Variants in GRM7 observed in about 807,000 individuals in gnomAD.
GRM7 encodes glutamate metabotropic receptor 7, also known as metabotropic glutamate receptor 7.
GRM7 carries 35 observed loss-of-function variants against 84.5 expected under a neutral mutation model. The ratio of observed to expected loss-of-function variants is 0.41; its 90% CI spans 0.32 to 0.55. The LOEUF (loss-of-function observed/expected upper bound fraction) is 0.55, where lower values mean the gene tolerates loss of function less well. Among genes scored for constraint, GRM7 ranks in the 20% least tolerant of loss-of-function variants. The pLI is 0.19. For missense variants in GRM7, 1,003 were observed against 1,194.6 expected, an observed-to-expected ratio of 0.84 and a Z score of 2.36; for synonymous variants, 487 against 455.1, an observed-to-expected ratio of 1.07 and a Z score of -0.89.
At chr3:7,068,603 T>C (rs1195524740) in intron 1 of GRM7, among the ~76,000 whole-genome samples, 2 of 152,060 alleles carry the variant, frequency 1.3e-5, no homozygotes, top group Non-Finnish European at 2.9e-5. Flanking sequence ...GGCTTGTTTG[T>C]TAAACTGAGA....
intron 1 of GRM7, among the ~76,000 whole-genome samples, chr3:7,102,565 G>A (rs1334889773): frequency 1.3e-5 from 2 of 151,686 alleles, no homozygotes; most frequent in East Asian, 3.9e-4. Context: ...AGTTTGTTGA[G>A]CTCCCTGGAT....
intron 8 of GRM7, 33 bp downstream of exon 8, chr3:7,579,390 T>A (rs746415844): frequency 1.2e-5 from 15 of 1,279,332 alleles, no homozygotes; most frequent in South Asian, 1.5e-5. Context: ...ATATGTTTTT[T>A]AAAAATGTGT....
intron 7 of GRM7, among the ~76,000 whole-genome samples, chr3:7,475,172 C>G (rs1399277286): frequency 6.6e-6 from 1 of 152,184 alleles, no homozygotes; most frequent in Non-Finnish European, 1.5e-5. Flanking sequence ...ACAAAGAAGT[C>G]TACGTTTCTC....
chr3:7,626,221 A>G (rs1697601221), intron 8 of GRM7, among the ~76,000 whole-genome samples: 1 of 152,108 alleles, frequency 6.6e-6, no homozygotes, highest in African/African-American at 2.4e-5. Flanking sequence ...CACTTTGACA[A>G]CGTGGCTCAC....
intron 4 of GRM7, among the ~76,000 whole-genome samples, chr3:7,379,557 T>A (rs1214964108): frequency 6.6e-6 from 1 of 152,216 alleles, no homozygotes; most frequent in Non-Finnish European, 1.5e-5. Flanking sequence ...ATTCTTTAAT[T>A]TCTTAAAAAT....
chr3:6,972,458 A>G (rs1693796793), intron 1 of GRM7, among the ~76,000 whole-genome samples: 1 of 152,190 alleles, frequency 6.6e-6, no homozygotes, highest in East Asian at 1.9e-4. Flanking sequence ...AATGATACAA[A>G]TCATGTGAGG....
chr3:6,923,420 G>C (rs952251300), intron 1 of GRM7, among the ~76,000 whole-genome samples: 1 of 152,124 alleles, frequency 6.6e-6, no homozygotes, highest in African/African-American at 2.4e-5. Context: ...TGTAATTTTA[G>C]AAGCATCTTG....
chr3:7,525,145 T>A (rs1700743607), intron 7 of GRM7, among the ~76,000 whole-genome samples: 1 of 151,306 alleles, frequency 6.6e-6, no homozygotes, highest in Admixed American at 6.6e-5. Context: ...GGGATAGCAT[T>A]AGGAGATATA....
At chr3:7,164,805 G>A (rs1694747183) in intron 2 of GRM7, among the ~76,000 whole-genome samples, 1 of 152,190 alleles carries the variant, frequency 6.6e-6, no homozygotes, top group South Asian at 2.1e-4. Context: ...ATAAATTCAA[G>A]CATTTCTTCA....
intron 1 of GRM7, among the ~76,000 whole-genome samples, chr3:6,888,508 T>C (rs1358573190): frequency 6.6e-6 from 1 of 152,108 alleles, no homozygotes; most frequent in Non-Finnish European, 1.5e-5. Flanking sequence ...CCATTGCTTG[T>C]TTTTCTCAGG....
intron 9 of GRM7, chr3:7,680,535 C>A: frequency 2.0e-6 from 1 of 506,828 alleles, no homozygotes; most frequent in South Asian, 2.2e-5. Flanking sequence ...GAAGCCTCCC[C>A]CTTCCCTTGC....
chr3:7,337,389 C>T (rs1274517028), intron 4 of GRM7, among the ~76,000 whole-genome samples: 5 of 151,990 alleles, frequency 3.3e-5, no homozygotes. Context: ...CAACCAAATG[C>T]AACAAAGACA....
At chr3:7,472,781 C>T (rs540806828) in intron 7 of GRM7, among the ~76,000 whole-genome samples, 150 of 152,302 alleles carry the variant, frequency 9.8e-4, no homozygotes, top group Non-Finnish European at 1.6e-3. Flanking sequence ...TTTACTTCTT[C>T]CATTTAAAGT....
In GRM7 at chr3:7,306,666, C is replaced by A; in HGVS notation, c.1033+14C>A. The A allele has an allele frequency of 6.3e-7, 1 of 1,576,652 alleles. No individual in the cohort carries two copies. The highest frequency in any genetic ancestry group is 8.6e-7 in the Non-Finnish European group (1 of 1,160,818). ...CCACGGTGGAAGGTATGGGTTTCAT[C>A]AGCAGTAGGTTTGCTGAGAGAAGTT... On this transcript the variant is annotated intron_variant, in intron 4 of 9. Coordinates refer to ENST00000357716, the MANE Select transcript of GRM7 (RefSeq NM_000844.4).
At chr3:7,191,359 A>G (rs904083897) in intron 2 of GRM7, among the ~76,000 whole-genome samples, 1 of 152,098 alleles carries the variant, frequency 6.6e-6, no homozygotes, top group African/African-American at 2.4e-5. Context: ...TGGCTGCTCA[A>G]TAACTATTTG....
At chr3:7,516,478 A>G (rs1700391726) in intron 7 of GRM7, among the ~76,000 whole-genome samples, 1 of 80,742 alleles carries the variant, frequency 1.2e-5, no homozygotes, top group South Asian at 3.7e-4. Flanking sequence ...CTCCCTCTCA[A>G]AAAAAAAAAA....
chr3:7,075,684 C>A (rs1056076322), intron 1 of GRM7, among the ~76,000 whole-genome samples: 1 of 152,040 alleles, frequency 6.6e-6, no homozygotes, highest in Non-Finnish European at 1.5e-5. Context: ...CGCCACCATG[C>A]CCAGCCAATT....
At chr3:7,521,331 A>T (rs1284884000) in intron 7 of GRM7, among the ~76,000 whole-genome samples, 1 of 152,172 alleles carries the variant, frequency 6.6e-6, no homozygotes, top group Admixed American at 6.5e-5. Flanking sequence ...CTTAAAATTC[A>T]CATGTGGAAA....
chr3:7,057,677 C>T (rs1390090754), intron 1 of GRM7, among the ~76,000 whole-genome samples: 3 of 151,876 alleles, frequency 2.0e-5, no homozygotes, highest in Non-Finnish European at 4.4e-5. Context: ...GTTAGATGAA[C>T]TAAGCTCTGA....
Sources: allele counts gnomAD v4.1 joint callset (sites outside exome capture counted in the v4.1 genomes callset), GRCh38; gene constraint gnomAD v4.1.1; transcripts MANE v1.5; gene names NCBI Gene and HGNC (gene_info 2026-07-23, HGNC 2026-07-21).